The following TBX19 variants were observed in gnomAD, a reference collection of about 807,000 sequenced individuals.
TBX19 encodes T-box transcription factor TBX19.
Under a neutral mutation model 40.9 loss-of-function variants are expected in TBX19, and 33 were observed. The ratio of observed to expected loss-of-function variants is 0.81; its 90% CI spans 0.61 to 1.08. The LOEUF (loss-of-function observed/expected upper bound fraction) is 1.08, where lower values mean the gene tolerates loss of function less well. Ranked by LOEUF, TBX19 falls within the 50% of genes least tolerant of loss-of-function variation. TBX19 has a pLI of 0.00. For missense variants in TBX19, 494 were observed against 574.0 expected, an observed-to-expected ratio of 0.86 and a Z score of 1.42; for synonymous variants, 220 against 225.0, an observed-to-expected ratio of 0.98 and a Z score of 0.20.
At chr1:168,284,290 C>T (rs766611112) in intron 1 of TBX19, among the ~76,000 whole-genome samples, 10 of 152,118 alleles carry the variant, frequency 6.6e-5, no homozygotes, top group Non-Finnish European at 4.4e-5. Context: ...CTAGTGTATC[C>T]AGCCAGTATT....
chr1:168,298,263 T>TAA (rs1649167156), intron 4 of TBX19, among the ~76,000 whole-genome samples: 1 of 152,204 alleles, frequency 6.6e-6, no homozygotes, highest in African/African-American at 2.4e-5. Context: ...ATTCAAATCA[T>TAA]AATTATCTAT....
At chr1:168,286,092 G>A (rs57445565) in intron 1 of TBX19, among the ~76,000 whole-genome samples, 11,427 of 152,194 alleles carry the variant, frequency 0.075, 771 homozygotes, top group African/African-American at 0.17. Flanking sequence ...GTTTATTTAC[G>A]TAGTGATAAA....
In TBX19 at chr1:168,291,515, G is replaced by A. The variant is rs547500843; in HGVS notation, c.468+91G>A. On this transcript the variant is annotated intron_variant, in intron 2 of 7. Coordinates refer to ENST00000367821, the MANE Select transcript of TBX19 (RefSeq NM_005149.3). ...TCAAGGGTGCATTTAGGCAATTAGAGGTGTCCTCACCAGCCTCTTCTCCCA... is the reference window on the plus strand; with the variant it reads ...TCAAGGGTGCATTTAGGCAATTAGAAGTGTCCTCACCAGCCTCTTCTCCCA... 15 of 1,578,688 alleles carry A rather than the reference G, an allele frequency of 9.5e-6. No individual in the cohort carries two copies. In the Admixed American group the frequency reaches 1.5e-4, roughly 16 times the overall value.
intron 2 of TBX19, among the ~76,000 whole-genome samples, chr1:168,292,862 T>A (rs772775985): frequency 5.9e-4 from 43 of 73,482 alleles, no homozygotes; most frequent in Middle Eastern, 0.015. Flanking sequence ...AGACTCCGTC[T>A]CAAAAAAAAA....
chr1:168,280,928 T>G lies in TBX19; in HGVS notation c.-163T>G. On this transcript the variant is annotated 5_prime_UTR_variant, in exon 1 of 8. Transcript: ENST00000367821. ...AGGTTGGTGGCATAATGTGGAGACTTTTAAGGGGTGTCATCCTAGGAGCTT... is the reference window on the plus strand; with the variant it reads ...AGGTTGGTGGCATAATGTGGAGACTGTTAAGGGGTGTCATCCTAGGAGCTT... The G allele has an allele frequency of 1.4e-6, 1 of 709,110 alleles. No individual in the cohort carries two copies. Among genetic ancestry groups the G allele is most frequent in the Non-Finnish European group, 2.5e-6 (1 of 399,938 alleles). The allele number at this position is 709,110 out of a possible 1,614,324, so 43.9% of individuals were successfully genotyped here. A position where few individuals can be genotyped will look rare whatever the true frequency, so the allele number is the denominator to read the frequency against.
intron 6 of TBX19, among the ~76,000 whole-genome samples, chr1:168,306,082 C>G (rs1649397808): frequency 6.6e-6 from 1 of 152,186 alleles, no homozygotes; most frequent in Non-Finnish European, 1.5e-5. Context: ...CTCAGTGACA[C>G]CCTGAGCTCT....
intron 6 of TBX19, among the ~76,000 whole-genome samples, chr1:168,306,287 A>G (rs1649400795): frequency 1.3e-5 from 2 of 152,152 alleles, no homozygotes; most frequent in Admixed American, 6.5e-5. Context: ...CTGAGCACCT[A>G]CTGTGTACCG....
In TBX19 at chr1:168,298,885, TTCTTTCTTTCTTTCTC is replaced by T. The variant is rs1244299993; in HGVS notation, c.665+1104_665+1119del. Among the ~76,000 whole-genome samples, 125 of 122,088 alleles carry T rather than the reference TTCTTTCTTTCTTTCTC, an allele frequency of 1.0e-3. 15 individuals carry two copies. The highest frequency in any genetic ancestry group is 4.0e-3 in the African/African-American group (106 of 26,590). 80.1% of individuals were successfully genotyped at this position (122,088 alleles called of 152,430 possible). A position where few individuals can be genotyped will look rare whatever the true frequency, so the allele number is the denominator to read the frequency against. On this transcript the variant is annotated intron_variant, in intron 4 of 7. Transcript: ENST00000367821. Reference sequence around the variant, plus strand: ...TTTCTTTCTTTCTTTCTTTCTTTCTTTCTTTCTTTCTTTCTCTCTCTCTCTCTTTCTTTCATTCTTC... The same window carrying T: ...TTTCTTTCTTTCTTTCTTTCTTTCTTTCTCTCTCTCTTTCTTTCATTCTTC...
intron 2 of TBX19, among the ~76,000 whole-genome samples, chr1:168,292,688 C>A (rs933315864): frequency 2.6e-5 from 4 of 151,910 alleles, no homozygotes; most frequent in African/African-American, 9.7e-5. Flanking sequence ...TGTGGTGAAA[C>A]CCCGTCTCTA....
At chr1:168,303,219 G>A (rs1007708701) in intron 5 of TBX19, among the ~76,000 whole-genome samples, 1 of 152,110 alleles carries the variant, frequency 6.6e-6, no homozygotes, top group African/African-American at 2.4e-5. Context: ...AGGTCCTGGT[G>A]TGTGATGTTC....
chr1:168,298,174 C>A (rs531415852), intron 4 of TBX19, among the ~76,000 whole-genome samples: 1 of 151,974 alleles, frequency 6.6e-6, no homozygotes, highest in Non-Finnish European at 1.5e-5. Context: ...CCAGCCTGGG[C>A]GACAGAGCGA....
At chr1:168,309,585 T>A (rs1195735103) in intron 7 of TBX19, among the ~76,000 whole-genome samples, 3 of 152,094 alleles carry the variant, frequency 2.0e-5, no homozygotes, top group Non-Finnish European at 2.9e-5. Context: ...AAGGGGGACA[T>A]ATTGTGGATG....
intron 5 of TBX19, among the ~76,000 whole-genome samples, chr1:168,304,412 C>G (rs1226824863): frequency 1.3e-5 from 2 of 152,000 alleles, no homozygotes; most frequent in Non-Finnish European, 2.9e-5. Flanking sequence ...GGTGGAGCCA[C>G]TGGTGTCAGA....
intron 5 of TBX19, among the ~76,000 whole-genome samples, chr1:168,300,964 A>G (rs1260450261): frequency 6.6e-6 from 1 of 152,204 alleles, no homozygotes; most frequent in East Asian, 1.9e-4. Flanking sequence ...GGAGTAATAT[A>G]GCTGGGATTC....
chr1:168,311,241 A>C (rs1649513751), intron 7 of TBX19, among the ~76,000 whole-genome samples: 1 of 152,064 alleles, frequency 6.6e-6, no homozygotes, highest in Non-Finnish European at 1.5e-5. Context: ...TCCATATATA[A>C]GTCATCTGTA....
Position 168,305,040 on chromosome 1 carries a change from G to T in TBX19, c.760G>T (p.Val254Leu). 1 of 1,614,138 alleles carries T rather than the reference G, an allele frequency of 6.2e-7. No homozygotes were observed. The highest frequency in any genetic ancestry group is 8.5e-7 in the Non-Finnish European group (1 of 1,180,030). Reference protein sequence around the residue: ...GGWIFSNPDGVCTAGNSNYQY... With the variant: ...GGWIFSNPDGLCTAGNSNYQY... Reference sequence around the variant, plus strand: ...CTGGATCTTTTCCAATCCAGATGGAGTGTGCACAGCAGGAAACTCCAATTA... The same window carrying T: ...CTGGATCTTTTCCAATCCAGATGGATTGTGCACAGCAGGAAACTCCAATTA... Residue 254 changes from valine (V) to leucine (L), a missense_variant, in exon 6 of 8, where the codon GTG becomes TTG. Val to Leu is a conservative substitution (Grantham distance 32). Coordinates refer to ENST00000367821, the MANE Select transcript of TBX19 (RefSeq NM_005149.3).
rs149125375 is a variant in TBX19, at chr1:168,305,290, A to G, written c.916+94A>G. The G allele has an allele frequency of 3.0e-5, 35 of 1,185,756 alleles. No homozygotes were observed. In the East Asian group the frequency reaches 8.1e-4, roughly 28 times the overall value. The allele number at this position is 1,185,756 out of a possible 1,614,324, so 73.5% of individuals were successfully genotyped here. A position where few individuals can be genotyped will look rare whatever the true frequency, so the allele number is the denominator to read the frequency against. ...AACAGCTAGGAAAAGGAGTAGCTAA[A>G]GATGGAACCCCGTCATCTAATATAC... On this transcript the variant is annotated intron_variant, in intron 6 of 7. Coordinates refer to ENST00000367821, the MANE Select transcript of TBX19 (RefSeq NM_005149.3).
chr1:168,305,671 G>A (rs1291644643), intron 6 of TBX19, among the ~76,000 whole-genome samples: 1 of 152,214 alleles, frequency 6.6e-6, no homozygotes, highest in Non-Finnish European at 1.5e-5. Flanking sequence ...GCCTTAGTCT[G>A]ATTCAGTTGG....
rs528606805 is a variant in TBX19 at position 168,281,168 on chromosome 1, G to A, written c.78G>A (p.Glu26=). ...ATCTGCTCAATGTGGTGGAGAGTGA[G>A]CTTCAGGCAGGGAGGGAAAAAGGCG... ...VSHLLNVVES[E]LQAGREKGDP... The change falls in exon 1 of 8, where the codon GAG becomes GAA. Residue 26 remains glutamate (E), a synonymous_variant. Coordinates refer to ENST00000367821, the MANE Select transcript of TBX19 (RefSeq NM_005149.3). 243 of 1,614,180 alleles carry A rather than the reference G, an allele frequency of 1.5e-4. 3 individuals are homozygous for A. In the South Asian group the frequency reaches 2.5e-3, roughly 17 times the overall value.
Sources: allele counts gnomAD v4.1 joint callset (sites outside exome capture counted in the v4.1 genomes callset), GRCh38; gene constraint gnomAD v4.1.1; transcripts MANE v1.5; gene names NCBI Gene and HGNC (gene_info 2026-07-23, HGNC 2026-07-21).